SOS2: variants seen among roughly 807,000 people sequenced by gnomAD.
SOS2 encodes son of sevenless homolog 2.
A neutral mutation model predicts 148.2 loss-of-function variants in SOS2; 65 were observed. The ratio of observed to expected loss-of-function variants is 0.44; its 90% CI spans 0.36 to 0.54. The LOEUF (loss-of-function observed/expected upper bound fraction) is 0.54, where lower values mean the gene tolerates loss of function less well. Among genes scored for constraint, SOS2 ranks in the 20% least tolerant of loss-of-function variants. The pLI, the probability that SOS2 is intolerant of heterozygous loss-of-function variation, is 0.00. For missense variants in SOS2, 1,341 were observed against 1,590.2 expected (o/e 0.84, Z 2.67); for synonymous variants, 539 against 537.1 (o/e 1.00, Z -0.05).
At chr14:50,169,802 T>C (rs557879338) in intron 8 of SOS2, among the ~76,000 whole-genome samples, 3 of 152,194 alleles carry the variant, frequency 2.0e-5, no homozygotes, top group East Asian at 1.9e-4. Context: ...GGCAGATATA[T>C]AGAATATATA....
chr14:50,164,205 C>T (rs957934878), intron 8 of SOS2, among the ~76,000 whole-genome samples: 7 of 152,056 alleles, frequency 4.6e-5, no homozygotes, highest in Non-Finnish European at 1.0e-4. Flanking sequence ...TACTGGGAGG[C>T]CAAGGCGGGC....
rs192727436 is a variant in SOS2 at position 50,205,738 on chromosome 14, C to A, written c.88-1329G>T. On this transcript the variant is annotated intron_variant, in intron 1 of 22. Coordinates refer to ENST00000216373, the MANE Select transcript of SOS2 (RefSeq NM_006939.4). ...CCTGAGGTCAGAAGTTTGAGACCAG[C>A]CTGGCCAACATGGTGAAACTAAAAA... Among the ~76,000 whole-genome samples, 461 of 152,134 alleles carry A rather than the reference C, an allele frequency of 3.0e-3. 2 individuals carry two copies. The highest frequency in any genetic ancestry group is 4.6e-3 in the Admixed American group (70 of 15,280).
chr14:50,224,151 C>G (rs968080712), intron 1 of SOS2, among the ~76,000 whole-genome samples: 2 of 151,360 alleles, frequency 1.3e-5, no homozygotes, highest in African/African-American at 4.9e-5. Flanking sequence ...ATTAACCAGA[C>G]GTGGTGGTGC....
intron 4 of SOS2, among the ~76,000 whole-genome samples, chr14:50,189,022 A>G (rs1307134165): frequency 2.0e-5 from 3 of 150,236 alleles, no homozygotes; most frequent in Non-Finnish European, 4.4e-5. Context: ...TCATGATCAC[A>G]CCACTGCACT....
chr14:50,172,394 A>G (rs976748614), intron 8 of SOS2, among the ~76,000 whole-genome samples: 6 of 96,576 alleles, frequency 6.2e-5, no homozygotes. Context: ...TTGATCAGAC[A>G]TGGGTAGTTT....
In SOS2 at chr14:50,150,128, G is replaced by C. The variant is rs868005783; in HGVS notation, c.2264C>G (p.Pro755Arg). Reference protein sequence around the residue: ...GVSHNITFESPPPPIEWHISK... With the variant: ...GVSHNITFESRPPPIEWHISK... ...GATATGCCATTCAATTGGTGGAGGT[G>C]GACTTTCAAAGGTAATATTATGGCT... The change falls in exon 14 of 23, where the codon CCA becomes CGA. Residue 755 changes from proline to arginine, a missense_variant. By Grantham distance (103) the Pro-to-Arg change is moderately radical (BLOSUM62 -2). Around this residue, in one of 4 missense-constraint regions of SOS2, gnomAD observed 408 missense variants for 506.6 expected, o/e 0.81. Coordinates refer to ENST00000216373, the MANE Select transcript of SOS2 (RefSeq NM_006939.4). 1 of 1,612,542 alleles carries C rather than the reference G, an allele frequency of 6.2e-7. No individual in the cohort carries two copies. The highest frequency in any genetic ancestry group is 8.5e-7 in the Non-Finnish European group (1 of 1,178,730).
intron 5 of SOS2, among the ~76,000 whole-genome samples, chr14:50,185,535 T>C (rs973080275): frequency 2.6e-5 from 4 of 151,572 alleles, no homozygotes; most frequent in African/African-American, 9.7e-5. Flanking sequence ...CTACCAAAAG[T>C]ACAAAAATTA....
chr14:50,132,259 G>A lies in SOS2; in HGVS notation c.3076-1497C>T, dbSNP rs955911549. Among the ~76,000 whole-genome samples, 12 of 149,046 alleles carry A rather than the reference G, an allele frequency of 8.1e-5. 1 individual carries two copies. The highest frequency in any genetic ancestry group is 2.2e-4 in the South Asian group (1 of 4,620). ...TGGCCAAGCACAGTGGCTCATGCCT[G>A]TAATCCTAGCACCTTGGGAGGCTGA... On this transcript the variant is annotated intron_variant, in intron 19 of 22. Transcript: ENST00000216373.
At chr14:50,210,837 A>G (rs893992909) in intron 1 of SOS2, among the ~76,000 whole-genome samples, 2 of 152,184 alleles carry the variant, frequency 1.3e-5, no homozygotes, top group African/African-American at 2.4e-5. Context: ...TTAAACGACC[A>G]TGAAAACTAT....
chr14:50,162,332 G>C (rs1281207844), intron 8 of SOS2, among the ~76,000 whole-genome samples: 1 of 151,704 alleles, frequency 6.6e-6, no homozygotes, highest in Non-Finnish European at 1.5e-5. Context: ...TGTAGAGATA[G>C]GGTCTCACTA....
chr14:50,129,917 T>A, intron 21 of SOS2, 44 bp downstream of exon 21: 14 of 1,209,086 alleles, frequency 1.2e-5, no homozygotes, highest in Non-Finnish European at 1.7e-5. Context: ...CAGATTATTA[T>A]CTTTACAGTC....
chr14:50,150,105 T>C lies in SOS2; in HGVS notation c.2287A>G (p.Ile763Val). The change falls in exon 14 of 23, where the codon ATC becomes GTC. Residue 763 changes from isoleucine to valine, a missense_variant. Transcript: ENST00000216373. ...ESPPPPIEWH[I>V]SKPGQFETFD... ...GTTTCAAACTGTCCTGGTTTGCTGATATGCCATTCAATTGGTGGAGGTGGA... is the reference window on the plus strand; with the variant it reads ...GTTTCAAACTGTCCTGGTTTGCTGACATGCCATTCAATTGGTGGAGGTGGA... The C allele has an allele frequency of 6.2e-7, 1 of 1,613,856 alleles. No homozygotes were observed.
intron 4 of SOS2, among the ~76,000 whole-genome samples, chr14:50,192,773 A>G (rs1437830085): frequency 1.3e-5 from 2 of 152,148 alleles, no homozygotes; most frequent in Non-Finnish European, 2.9e-5. Flanking sequence ...CTGAGGCAGG[A>G]GAATGGATTG....
At chr14:50,230,427 G>A (rs1887503687) in intron 1 of SOS2, among the ~76,000 whole-genome samples, 1 of 152,164 alleles carries the variant, frequency 6.6e-6, no homozygotes, top group African/African-American at 2.4e-5. Context: ...ATGATCGTAT[G>A]GTTACTACCT....
At chr14:50,128,665 G>A (rs1016265156) in intron 21 of SOS2, among the ~76,000 whole-genome samples, 51 of 152,330 alleles carry the variant, frequency 3.3e-4, no homozygotes, top group African/African-American at 1.2e-3. Flanking sequence ...AGTGTCCTTG[G>A]AGAACAAGAA....
At chr14:50,137,724 G>A (rs553721488) in intron 18 of SOS2, among the ~76,000 whole-genome samples, 1 of 152,268 alleles carries the variant, frequency 6.6e-6, no homozygotes, top group African/African-American at 2.4e-5. Flanking sequence ...TATAAGAGAT[G>A]TTTTGATACA....
intron 12 of SOS2, among the ~76,000 whole-genome samples, chr14:50,154,375 T>G (rs1209202611): frequency 6.6e-6 from 1 of 152,204 alleles, no homozygotes; most frequent in Non-Finnish European, 1.5e-5. Flanking sequence ...GGTGAGAATA[T>G]GAAGCAACTT....
chr14:50,203,330 T>C (rs1886557256), intron 2 of SOS2, among the ~76,000 whole-genome samples: 1 of 152,214 alleles, frequency 6.6e-6, no homozygotes, highest in East Asian at 1.9e-4. Flanking sequence ...ATCACACCAC[T>C]GTACCCCAGC....
chr14:50,165,752 G>A (rs939430532), intron 8 of SOS2, among the ~76,000 whole-genome samples: 1 of 152,160 alleles, frequency 6.6e-6, no homozygotes, highest in Admixed American at 6.5e-5. Context: ...ATTTTGTTAA[G>A]TATTTAGACC....
Sources: gnomAD v4.1 joint callset for allele counts (sites outside exome capture counted in the v4.1 genomes callset) on GRCh38, gnomAD v4.1.1 for gene constraint, gnomAD v4.1.1 regional missense constraint, MANE v1.5 for transcripts, NCBI Gene and HGNC (gene_info 2026-07-23, HGNC 2026-07-21) for gene names.